Variants in FSIP1 observed in about 807,000 individuals in gnomAD.
FSIP1 encodes the protein fibrous sheath interacting protein 1, also known as fibrous sheath-interacting protein 1.
FSIP1 carries 65 observed loss-of-function variants against 60.9 expected under a neutral mutation model. The ratio of observed to expected loss-of-function variants is 1.07; its 90% confidence interval spans 0.87 to 1.31. The LOEUF is 1.31. Ranked by LOEUF, FSIP1 falls within the 40% of genes most tolerant of loss-of-function variation. FSIP1 has a pLI of 0.00. For missense variants in FSIP1, 675 were observed against 665.5 expected, an observed-to-expected ratio of 1.01 and a Z score of -0.16; for synonymous variants, 209 against 221.2, an observed-to-expected ratio of 0.94 and a Z score of 0.49.
At chr15:39,607,790 T>C (rs1200106896) in intron 11 of FSIP1, among the ~76,000 whole-genome samples, 9 of 152,232 alleles carry the variant, frequency 5.9e-5, no homozygotes, top group Admixed American at 5.9e-4. Flanking sequence ...ATACTTGCTA[T>C]TGAAAGAGAA....
chr15:39,703,004 T>A (rs1362251542), intron 10 of FSIP1, among the ~76,000 whole-genome samples: 1 of 145,418 alleles, frequency 6.9e-6, no homozygotes, highest in East Asian at 2.0e-4. Context: ...TTTTTTTAGA[T>A]GGAGTTTCAT....
chr15:39,679,351 G>A (rs16969553), intron 10 of FSIP1, among the ~76,000 whole-genome samples: 7 of 152,084 alleles, frequency 4.6e-5, no homozygotes, highest in African/African-American at 1.2e-4. Flanking sequence ...GACCTGTTGC[G>A]CCGACAAACT....
intron 10 of FSIP1, among the ~76,000 whole-genome samples, chr15:39,657,001 C>A (rs1893097882): frequency 6.6e-6 from 1 of 152,226 alleles, no homozygotes; most frequent in Admixed American, 6.5e-5. Context: ...AAGCTACAAA[C>A]TTCATTGATA....
intron 10 of FSIP1, among the ~76,000 whole-genome samples, chr15:39,667,637 C>A (rs1244731406): frequency 1.3e-5 from 2 of 152,144 alleles, no homozygotes; most frequent in African/African-American, 4.8e-5. Flanking sequence ...TTATTACCTC[C>A]CATGAGCAGT....
chr15:39,631,186 T>C (rs1169436636), intron 10 of FSIP1, among the ~76,000 whole-genome samples: 1 of 152,228 alleles, frequency 6.6e-6, no homozygotes, highest in African/African-American at 2.4e-5. Flanking sequence ...CCCTCTGCAG[T>C]GACATCGCAC....
At chr15:39,764,858 G>C (rs531861664) in intron 4 of FSIP1, among the ~76,000 whole-genome samples, 5 of 152,324 alleles carry the variant, frequency 3.3e-5, no homozygotes, top group Admixed American at 3.3e-4. Flanking sequence ...AAGCTAACCA[G>C]AGGGTTAAAC....
Position 39,658,774 on chromosome 15 carries a change from T to C in FSIP1, c.1189-40529A>G, listed in dbSNP as rs191001726. Among the ~76,000 whole-genome samples the C allele has an allele frequency of 3.1e-4, 47 of 152,314 alleles. No individual in the cohort carries two copies. In the East Asian group the frequency reaches 8.5e-3, roughly 27 times the overall value. ...AATGGATTCTTCAAAAAGCAAAACATTGAGCTGCCGTATGACCCAGAAACT... is the reference window on the plus strand; with the variant it reads ...AATGGATTCTTCAAAAAGCAAAACACTGAGCTGCCGTATGACCCAGAAACT... On this transcript the variant is annotated intron_variant, in intron 10 of 11. Transcript: ENST00000350221.
At position 39,707,860 on chromosome 15, in the gene FSIP1, C is replaced by T. The variant is rs369885731; in HGVS notation, c.1188+5584G>A. On this transcript the variant is annotated intron_variant, in intron 10 of 11. Coordinates refer to ENST00000350221, the MANE Select transcript of FSIP1 (RefSeq NM_152597.5). ...TAACCACCAAGCCCCCTATATAAAG[C>T]TTATATAATAGGACCAGGGAAATGA... Among the ~76,000 whole-genome samples, 13 of 152,070 alleles carry T rather than the reference C, an allele frequency of 8.5e-5. No homozygotes were observed. In the East Asian group the frequency reaches 1.7e-3, roughly 20 times the overall value.
intron 10 of FSIP1, among the ~76,000 whole-genome samples, chr15:39,621,970 G>A (rs1891457104): frequency 1.3e-5 from 2 of 152,156 alleles, no homozygotes; most frequent in Non-Finnish European, 2.9e-5. Flanking sequence ...CATTTTTTAA[G>A]GCACTATATT....
At chr15:39,630,018 G>A (rs528636105) in intron 10 of FSIP1, among the ~76,000 whole-genome samples, 1 of 152,336 alleles carries the variant, frequency 6.6e-6, no homozygotes, top group Non-Finnish European at 1.5e-5. Context: ...TGGGTGACTT[G>A]TAGCATTTCC....
chr15:39,619,468 G>A (rs1203689900), intron 10 of FSIP1, among the ~76,000 whole-genome samples: 1 of 152,154 alleles, frequency 6.6e-6, no homozygotes, highest in Non-Finnish European at 1.5e-5. Flanking sequence ...TAATATACAT[G>A]TCAAGAAATA....
intron 10 of FSIP1, among the ~76,000 whole-genome samples, chr15:39,622,827 C>T (rs1476523549): frequency 1.3e-5 from 2 of 152,172 alleles, no homozygotes; most frequent in Non-Finnish European, 2.9e-5. Context: ...CTACCACCCT[C>T]CAAGTGTCCT....
chr15:39,692,125 A>T (rs1023062924), intron 10 of FSIP1, among the ~76,000 whole-genome samples: 1 of 152,072 alleles, frequency 6.6e-6, no homozygotes, highest in Non-Finnish European at 1.5e-5. Flanking sequence ...TGTAGGGGGA[A>T]CTCCAGTCAA....
intron 9 of FSIP1, among the ~76,000 whole-genome samples, chr15:39,722,548 C>A (rs1169440270): frequency 6.6e-6 from 1 of 152,058 alleles, no homozygotes; most frequent in Non-Finnish European, 1.5e-5. Flanking sequence ...CCCTCTGCCT[C>A]CTTCCCTAGT....
chr15:39,725,483 A>G (rs1896153464), intron 9 of FSIP1, among the ~76,000 whole-genome samples: 1 of 152,190 alleles, frequency 6.6e-6, no homozygotes, highest in African/African-American at 2.4e-5. Flanking sequence ...ACTGGCATGA[A>G]GCTAGATCCC....
intron 10 of FSIP1, among the ~76,000 whole-genome samples, chr15:39,629,301 G>A (rs992929569): frequency 5.9e-5 from 9 of 152,098 alleles, no homozygotes; most frequent in Non-Finnish European, 1.3e-4. Context: ...CATCGCCCTC[G>A]GAAGGTTTAC....
chr15:39,773,810 A>T (rs1018654382), intron 2 of FSIP1, among the ~76,000 whole-genome samples: 2 of 152,336 alleles, frequency 1.3e-5, no homozygotes, highest in Admixed American at 1.3e-4. Flanking sequence ...CTGGAAAAGG[A>T]AAAAGAAGAG....
At chr15:39,671,326 C>G (rs1367465720) in intron 10 of FSIP1, among the ~76,000 whole-genome samples, 1 of 151,848 alleles carries the variant, frequency 6.6e-6, no homozygotes, top group African/African-American at 2.4e-5. Flanking sequence ...ATTATTTTAT[C>G]CTTTAGTTCA....
intron 5 of FSIP1, among the ~76,000 whole-genome samples, chr15:39,746,719 C>T (rs1288632195): frequency 6.6e-6 from 1 of 152,084 alleles, no homozygotes; most frequent in East Asian, 1.9e-4. Flanking sequence ...AACTTGTTGG[C>T]ATCCTCAATA....
Sources: gnomAD v4.1 joint callset for allele counts (sites outside exome capture counted in the v4.1 genomes callset) on GRCh38, gnomAD v4.1.1 for gene constraint, MANE v1.5 for transcripts, NCBI Gene and HGNC (gene_info 2026-07-23, HGNC 2026-07-21) for gene names.